RDH10: variants seen among roughly 807,000 people sequenced by gnomAD.
RDH10 encodes retinol dehydrogenase 10.
Under a neutral mutation model 30.2 loss-of-function variants are expected in RDH10, and 12 were observed. The ratio of observed to expected loss-of-function variants is 0.40; its 90% CI spans 0.25 to 0.64. The LOEUF (loss-of-function observed/expected upper bound fraction) is 0.64, where lower values mean the gene tolerates loss of function less well. RDH10 is among the 30% of genes least tolerant of loss of function. The probability of loss-of-function intolerance (pLI) is 0.43; values close to 1 mark genes in which losing one functional copy is unlikely to be tolerated. For synonymous variants in RDH10, 189 were observed against 172.2 expected, an observed-to-expected ratio of 1.10 and a Z score of -0.76; for missense variants, 268 against 445.2, an observed-to-expected ratio of 0.60 and a Z score of 3.58.
intron 2 of RDH10, chr8:73,313,313 T>G (rs1814603131): frequency 6.6e-6 from 1 of 152,246 alleles, no homozygotes; most frequent in Non-Finnish European, 1.5e-5. Flanking sequence ...CATGTCTGTT[T>G]AAGAAGTTCT....
intron 4 of RDH10, 144 bp downstream of exon 4, chr8:73,321,221 A>G: frequency 1.3e-6 from 1 of 789,158 alleles, no homozygotes; most frequent in African/African-American, 1.7e-5. Context: ...AGTTTGTAAA[A>G]TTGGTGTATA....
intron 2 of RDH10, among the ~76,000 whole-genome samples, chr8:73,316,209 C>T (rs1478032574): frequency 2.6e-5 from 4 of 152,010 alleles, no homozygotes; most frequent in South Asian, 2.1e-4. Flanking sequence ...GTAGAGGCAG[C>T]GTTTCACAGT....
chr8:73,318,300 C>T (rs571463808), intron 2 of RDH10, among the ~76,000 whole-genome samples: 64 of 152,062 alleles, frequency 4.2e-4, no homozygotes, highest in Admixed American at 3.7e-3. Context: ...AAGAAATCGG[C>T]GCCACCTCTG....
chr8:73,297,174 A>G lies in RDH10; in HGVS notation c.290-20A>G. ...CTTCTCTTTTGCATGTTTTCTCCTC[A>G]TCTGGACTTCTGAGGACAGCTGGGA... On this transcript the variant is annotated intron_variant, in intron 1 of 5. Coordinates refer to ENST00000240285, the MANE Select transcript of RDH10 (RefSeq NM_172037.5). 1 of 1,448,764 alleles carries G rather than the reference A, an allele frequency of 6.9e-7. No homozygotes were observed. The highest frequency in any genetic ancestry group is 1.7e-5 in the Admixed American group (1 of 59,724). The allele number at this position is 1,448,764 out of a possible 1,614,324, so 89.7% of individuals were successfully genotyped here. A position where few individuals can be genotyped will look rare whatever the true frequency, so the allele number is the denominator to read the frequency against.
rs1282988409 is a variant in RDH10, at chr8:73,295,460, C to T, written c.171C>T (p.Ala57=). ...GCCGCCTCTTCGCGCTGGAGTTCGC[C>T]CGGCGTCGGGCGCTGCTGGTGCTGT... ...GLGRLFALEF[A]RRRALLVLWD... The change falls in exon 1 of 6, where the codon GCC becomes GCT. Residue 57 remains alanine, a synonymous_variant. Transcript: ENST00000240285. The T allele has an allele frequency of 1.9e-6, 3 of 1,551,550 alleles. No homozygotes were observed. The highest frequency in any genetic ancestry group is 2.6e-6 in the Non-Finnish European group (3 of 1,148,902).
intron 2 of RDH10, among the ~76,000 whole-genome samples, chr8:73,315,779 G>A (rs1814651941): frequency 6.6e-6 from 1 of 152,142 alleles, no homozygotes; most frequent in Admixed American, 6.5e-5. Context: ...ATTTGATATT[G>A]GATGTAATTT....
intron 4 of RDH10, chr8:73,321,962 A>C (rs911942671): frequency 1.1e-5 from 5 of 455,964 alleles, no homozygotes; most frequent in African/African-American, 6.0e-5. Context: ...CTGTGTGAAC[A>C]TGTGTGTGTG....
chr8:73,313,446 T>A (rs1814606014), intron 2 of RDH10: 1 of 152,094 alleles, frequency 6.6e-6, no homozygotes, highest in Non-Finnish European at 1.5e-5. Flanking sequence ...AATGTCAGTG[T>A]CCATTTGAAT....
chr8:73,312,234 C>T (rs1484395827), intron 2 of RDH10: 3 of 152,118 alleles, frequency 2.0e-5, no homozygotes, highest in Admixed American at 2.0e-4. Flanking sequence ...GGTATGGTCC[C>T]CTGTGGAAGT....
chr8:73,303,696 CT>C (rs1814419811), intron 2 of RDH10, among the ~76,000 whole-genome samples: 1 of 152,168 alleles, frequency 6.6e-6, no homozygotes, highest in African/African-American at 2.4e-5. Context: ...TAAAACATCT[CT>C]TTTGATAGGA....
intron 2 of RDH10, chr8:73,310,935 C>T (rs1040661300): frequency 1.3e-5 from 2 of 152,200 alleles, no homozygotes; most frequent in African/African-American, 4.8e-5. Context: ...AGATAAGAGG[C>T]ATACATTCAA....
chr8:73,296,036 A>G (rs763558874), intron 1 of RDH10, among the ~76,000 whole-genome samples: 11 of 152,334 alleles, frequency 7.2e-5, no homozygotes, highest in Non-Finnish European at 1.3e-4. Context: ...CGGTTTCATT[A>G]TAAGTTTAGC....
At chr8:73,295,889 A>G in intron 1 of RDH10, 1 of 1,178,570 alleles carries the variant, frequency 8.5e-7, no homozygotes, top group Non-Finnish European at 1.1e-6. Context: ...ACAGGTTTGG[A>G]TCCCAAAGAA....
At position 73,294,672 on chromosome 8, in the gene RDH10, C is replaced by T. The variant is rs892662252; in HGVS notation, c.-618C>T. 9 of 359,980 alleles carry T rather than the reference C, an allele frequency of 2.5e-5. No individual in the cohort carries two copies. Among genetic ancestry groups the T allele is most frequent in the African/African-American group, 1.5e-4 (7 of 47,196 alleles). The allele number at this position is 359,980 out of a possible 1,614,324, so 22.3% of individuals were successfully genotyped here. On this transcript the variant is annotated 5_prime_UTR_variant, in exon 1 of 6. Coordinates refer to ENST00000240285, the MANE Select transcript of RDH10 (RefSeq NM_172037.5). ...GAGCCCAGTGCCCGAGTGACACCCG[C>T]GGAGAGTGCAGGGCCGGGGAACGCG... is the stretch of plus-strand genomic sequence containing the variant.
chr8:73,296,956 T>TA (rs1814276757), intron 1 of RDH10: 3 of 476,874 alleles, frequency 6.3e-6, no homozygotes, highest in Non-Finnish European at 7.7e-6. Flanking sequence ...TTGTCACAAT[T>TA]ACATGACTTT....
chr8:73,323,136 G>A lies in RDH10; in HGVS notation c.*100G>A, dbSNP rs1814798053. ...CTGACATTTTATGGATTCTAAACTT[G>A]TGTTGTTTCTTTTTTAAATCAACTT... On this transcript the variant is annotated 3_prime_UTR_variant, in exon 6 of 6. Transcript: ENST00000240285. 1 of 976,120 alleles carries A rather than the reference G, an allele frequency of 1.0e-6. No homozygotes were observed. The highest frequency in any genetic ancestry group is 2.3e-5 in the Admixed American group (1 of 43,884). 60.5% of individuals were successfully genotyped at this position (976,120 alleles called of 1,614,324 possible). A position where few individuals can be genotyped will look rare whatever the true frequency, so the allele number is the denominator to read the frequency against.
At chr8:73,308,000 T>C (rs1223057245) in intron 2 of RDH10, among the ~76,000 whole-genome samples, 1 of 152,182 alleles carries the variant, frequency 6.6e-6, no homozygotes, top group Non-Finnish European at 1.5e-5. Flanking sequence ...TACTTTTCCA[T>C]AGCTTGTATT....
rs143072874 is a variant in RDH10 at position 73,310,533 on chromosome 8, C to T, written c.526-8563C>T. On this transcript the variant is annotated intron_variant, in intron 2 of 5. Transcript: ENST00000240285. The stretch of plus-strand genomic sequence containing the variant: ...CTAAGCTCGCATGCATGTGTTTATG[C>T]GTCATGGAAGTAGTTACTGGTCACT... 3.3e-3 allele frequency among the ~76,000 whole-genome samples: 498 copies of T among 152,290 alleles called. 2 individuals are homozygous for T. The highest frequency in any genetic ancestry group is 0.01 in the African/African-American group (436 of 41,568).
rs958485844 is a variant in RDH10, at chr8:73,321,012, A to G, written c.705A>G (p.Gly235=). 6.2e-7 allele frequency: 1 copy of G among 1,614,098 alleles called. No individual in the cohort carries two copies. Among genetic ancestry groups the G allele is most frequent in the Non-Finnish European group, 8.5e-7 (1 of 1,179,966 alleles). ...AACTAAAGGCTGCTGAAAAGGATGGAATTAAAACAACCTTGGTTTGCCCTT... is the reference window on the plus strand; with the variant it reads ...AACTAAAGGCTGCTGAAAAGGATGGGATTAAAACAACCTTGGTTTGCCCTT... ...SHELKAAEKD[G]IKTTLVCPYL... The change falls in exon 4 of 6, where the codon GGA becomes GGG. Residue 235 remains glycine, a synonymous_variant. Transcript: ENST00000240285.
Sources: gnomAD v4.1 joint callset for allele counts (sites outside exome capture counted in the v4.1 genomes callset) on GRCh38, gnomAD v4.1.1 for gene constraint, MANE v1.5 for transcripts, NCBI Gene and HGNC (gene_info 2026-07-23, HGNC 2026-07-21) for gene names.